GLI3: variants seen among roughly 807,000 people sequenced by gnomAD.
GLI3 encodes the protein transcription activator GLI3.
In GLI3, 20 loss-of-function variants were observed where a neutral mutation model predicts 100.8. The observed-to-expected ratio is 0.20, with a 90% CI of 0.14 to 0.29. The LOEUF is 0.29. Ranked by LOEUF, GLI3 falls within the 10% of genes least tolerant of loss-of-function variation. The probability of loss-of-function intolerance (pLI) is 1.00; values close to 1 mark genes in which losing one functional copy is unlikely to be tolerated. For missense variants in GLI3, 2,040 were observed against 2,128.5 expected, an observed-to-expected ratio of 0.96 and a Z score of 0.82; for synonymous variants, 938 against 860.5, an observed-to-expected ratio of 1.09 and a Z score of -1.58.
At chr7:42,093,200 A>G (rs1479014825) in intron 3 of GLI3, among the ~76,000 whole-genome samples, 1 of 151,804 alleles carries the variant, frequency 6.6e-6, no homozygotes, top group Non-Finnish European at 1.5e-5. Context: ...TCCAACATGG[A>G]GAAACCCCGT....
chr7:42,167,872 G>T (rs1413951111), intron 2 of GLI3, among the ~76,000 whole-genome samples: 3 of 152,134 alleles, frequency 2.0e-5, no homozygotes, highest in Non-Finnish European at 4.4e-5. Flanking sequence ...ATTTAATTCT[G>T]CCAAAAGATC....
At chr7:42,070,650 T>C (rs1468569970) in intron 4 of GLI3, among the ~76,000 whole-genome samples, 2 of 152,230 alleles carry the variant, frequency 1.3e-5, no homozygotes, top group Non-Finnish European at 2.9e-5. Context: ...GTCTTTAATA[T>C]TGTGCTTAGC....
intron 3 of GLI3, among the ~76,000 whole-genome samples, chr7:42,131,750 G>A (rs1471809851): frequency 6.6e-6 from 1 of 152,144 alleles, no homozygotes; most frequent in Non-Finnish European, 1.5e-5. Flanking sequence ...AAAAGCTGAT[G>A]AGGAAAAGAA....
intron 10 of GLI3, among the ~76,000 whole-genome samples, chr7:42,003,243 TTA>T (rs1163379156): frequency 6.6e-6 from 1 of 152,196 alleles, no homozygotes; most frequent in Admixed American, 6.5e-5. Flanking sequence ...AAAGTGAATG[TTA>T]TAATCTCGAA....
chr7:42,115,533 C>G (rs1470160032), intron 3 of GLI3, among the ~76,000 whole-genome samples: 1 of 152,152 alleles, frequency 6.6e-6, no homozygotes, highest in Non-Finnish European at 1.5e-5. Flanking sequence ...CTACCAAACT[C>G]CTGATAGTTC....
chr7:41,981,347 G>A (rs144465535), intron 10 of GLI3, among the ~76,000 whole-genome samples: 1 of 152,220 alleles, frequency 6.6e-6, no homozygotes, highest in African/African-American at 2.4e-5. Context: ...GTCTCCAGCA[G>A]TGAGGATGTG....
Position 41,965,081 on chromosome 7 carries a change from C to T in GLI3, c.3992G>A (p.Ser1331Asn), listed in dbSNP as rs778137095. The T allele has an allele frequency of 2.5e-6, 4 of 1,613,852 alleles. No individual in the cohort carries two copies. The Admixed American group carries it at 5.0e-5, about 20-fold the overall frequency. The change falls in exon 15 of 15, where the codon AGC becomes AAC. Residue 1331 changes from serine (S) to asparagine (N), a missense_variant. Coordinates refer to ENST00000395925, the MANE Select transcript of GLI3 (RefSeq NM_000168.6). The stretch of plus-strand genomic sequence containing the variant: ...GCGGCCTGCCCCCGGGTGCTGCATG[C>T]TGTCGCCGAGGAGCTGGTGAGCCAG... The part of the protein sequence containing the change: ...GYLAHQLLGD[S>N]MQHPGAGRPG...
chr7:42,171,617 G>A (rs1298528036), intron 2 of GLI3, among the ~76,000 whole-genome samples: 2 of 152,200 alleles, frequency 1.3e-5, no homozygotes, highest in African/African-American at 4.8e-5. Flanking sequence ...CACAGAAAAT[G>A]CGGGGAGAAA....
chr7:42,234,382 A>G (rs1788749125), intron 1 of GLI3, among the ~76,000 whole-genome samples: 1 of 152,230 alleles, frequency 6.6e-6, no homozygotes, highest in African/African-American at 2.4e-5. Context: ...TGCTTACAGC[A>G]TGCAGGTAAT....
chr7:42,173,538 T>C (rs1787420086), intron 2 of GLI3, among the ~76,000 whole-genome samples: 1 of 152,188 alleles, frequency 6.6e-6, no homozygotes, highest in Non-Finnish European at 1.5e-5. Flanking sequence ...TCTCCAGTCA[T>C]TTTTTTCCTG....
At position 41,964,071 on chromosome 7, in the gene GLI3, T is replaced by TG. The variant is rs1483818536; in HGVS notation, c.*258_*259insC. 6.7e-6 allele frequency: 2 copies of TG among 298,258 alleles called. No individual in the cohort carries two copies. The highest frequency in any genetic ancestry group is 1.4e-4 in the East Asian group (2 of 14,176). 18.5% of individuals were successfully genotyped at this position (298,258 alleles called of 1,614,324 possible). On this transcript the variant is annotated 3_prime_UTR_variant, in exon 15 of 15. Transcript: ENST00000395925. Reference sequence around the variant, plus strand: ...AAGGGGGCGGGGCTTACAGTTTTTTTTTTTTTTTTTAAAAAGAGGGTGGTT... The same window carrying TG: ...AAGGGGGCGGGGCTTACAGTTTTTTTGTTTTTTTTTTAAAAAGAGGGTGGTT...
At chr7:42,134,102 A>G (rs151128337) in intron 3 of GLI3, among the ~76,000 whole-genome samples, 1 of 152,060 alleles carries the variant, frequency 6.6e-6, no homozygotes, top group African/African-American at 2.4e-5. Flanking sequence ...AAAAGAAAAA[A>G]AAATCCTATT....
chr7:42,172,196 A>G (rs1421097327), intron 2 of GLI3, among the ~76,000 whole-genome samples: 1 of 151,988 alleles, frequency 6.6e-6, no homozygotes, highest in African/African-American at 2.4e-5. Flanking sequence ...TTCTCTTCAT[A>G]AGAGAAGTTT....
At chr7:42,009,528 G>A (rs564148770) in intron 10 of GLI3, among the ~76,000 whole-genome samples, 17 of 131,558 alleles carry the variant, frequency 1.3e-4, no homozygotes, top group Non-Finnish European at 2.2e-4. Flanking sequence ...TCTGATATTG[G>A]TTCATCGTGC....
At chr7:42,225,605 C>A (rs1031684017) in intron 1 of GLI3, among the ~76,000 whole-genome samples, 1 of 152,220 alleles carries the variant, frequency 6.6e-6, no homozygotes, top group Non-Finnish European at 1.5e-5. Context: ...AGGTGATCCA[C>A]CCGCCTCGGC....
At chr7:42,221,462 CAT>C (rs1788485502) in intron 2 of GLI3, among the ~76,000 whole-genome samples, 1 of 152,122 alleles carries the variant, frequency 6.6e-6, no homozygotes, top group Non-Finnish European at 1.5e-5. Context: ...CATGCACACT[CAT>C]AGTTACCTCT....
At position 41,962,207 on chromosome 7, in the gene GLI3, C is replaced by T. The variant is rs1170885597; in HGVS notation, c.*2123G>A. The T allele has an allele frequency of 6.6e-6, 1 of 152,192 alleles. No individual in the cohort carries two copies. The highest frequency in any genetic ancestry group is 1.5e-5 in the Non-Finnish European group (1 of 68,056). 9.4% of individuals were successfully genotyped at this position (152,192 alleles called of 1,614,324 possible). On this transcript the variant is annotated 3_prime_UTR_variant, in exon 15 of 15. Coordinates refer to ENST00000395925, the MANE Select transcript of GLI3 (RefSeq NM_000168.6). Reference sequence around the variant, plus strand: ...GTCAGCATGGTCCCTTCCACCCAAGCTCCTTTCTTAGGAGGAGTGGAGAAC... The same window carrying T: ...GTCAGCATGGTCCCTTCCACCCAAGTTCCTTTCTTAGGAGGAGTGGAGAAC...
chr7:42,052,281 A>G (rs1263741264), intron 4 of GLI3, among the ~76,000 whole-genome samples: 1 of 152,198 alleles, frequency 6.6e-6, no homozygotes, highest in African/African-American at 2.4e-5. Context: ...ATCTGTGTCC[A>G]GGTTTTTTGT....
intron 3 of GLI3, among the ~76,000 whole-genome samples, chr7:42,084,207 T>A (rs911325051): frequency 1.3e-5 from 2 of 152,202 alleles, no homozygotes; most frequent in African/African-American, 4.8e-5. Flanking sequence ...CCACAATTCA[T>A]CCTTTTTTTT....
Sources: gnomAD v4.1 joint callset for allele counts (sites outside exome capture counted in the v4.1 genomes callset) on GRCh38, gnomAD v4.1.1 for gene constraint, MANE v1.5 for transcripts, NCBI Gene and HGNC (gene_info 2026-07-23, HGNC 2026-07-21) for gene names.